Variants in STPG2 observed in about 807,000 individuals in gnomAD.
STPG2 encodes sperm-tail PG-rich repeat-containing protein 2.
In STPG2, 56 loss-of-function variants were observed where a neutral mutation model predicts 54.2. The ratio of observed to expected loss-of-function variants is 1.03; its 90% CI spans 0.83 to 1.29. STPG2 has a LOEUF of 1.29. Ranked by LOEUF, STPG2 falls within the 50% of genes most tolerant of loss-of-function variation. STPG2 has a pLI of 0.00. For missense variants in STPG2, 596 were observed against 544.9 expected (o/e 1.09, Z -0.93); for synonymous variants, 200 against 181.8 (o/e 1.10, Z -0.81).
chr4:98,114,804 T>A (rs191609758), intron 3 of STPG2, among the ~76,000 whole-genome samples: 370 of 151,674 alleles, frequency 2.4e-3, no homozygotes, highest in Non-Finnish European at 4.2e-3. Context: ...TACAATAATA[T>A]CCATTTCATT....
At chr4:97,564,180 T>C (rs1322844784) in intron 10 of STPG2, among the ~76,000 whole-genome samples, 2 of 152,198 alleles carry the variant, frequency 1.3e-5, no homozygotes, top group Admixed American at 6.5e-5. Context: ...CCCTTTACCA[T>C]TATGTAATGG....
chr4:97,725,295 T>A (rs980728186), intron 9 of STPG2, among the ~76,000 whole-genome samples: 1 of 151,918 alleles, frequency 6.6e-6, no homozygotes, highest in African/African-American at 2.4e-5. Context: ...AGTACCACTT[T>A]TTTTTTTAGT....
intron 6 of STPG2, among the ~76,000 whole-genome samples, chr4:97,975,905 G>T (rs761010331): frequency 2.5e-4 from 38 of 152,086 alleles, no homozygotes; most frequent in Non-Finnish European, 5.3e-4. Context: ...TGAAGAGAGG[G>T]TTGTGCTGAT....
intron 8 of STPG2, among the ~76,000 whole-genome samples, chr4:97,849,465 C>G (rs527717449): frequency 6.6e-6 from 1 of 151,888 alleles, no homozygotes; most frequent in African/African-American, 2.4e-5. Flanking sequence ...AAAGAAACTA[C>G]CATCAGAGTG....
Position 97,533,362 on chromosome 4 carries a change from G to T in STPG2, c.462+179337C>A, listed in dbSNP as rs902840529. 2.2e-4 allele frequency among the ~76,000 whole-genome samples: 33 copies of T among 151,956 alleles called. 1 individual carries two copies. Among genetic ancestry groups the T allele is most frequent in the Admixed American group, 1.2e-3 (19 of 15,252 alleles). On this transcript the variant is annotated intron_variant, in intron 4 of 4. Transcript: ENST00000522676. ...TGAAATATCAAACTCCTTATGGAAT[G>T]AATTTTTTTAAAATTTATCAAATTA...
intron 5 of STPG2, among the ~76,000 whole-genome samples, chr4:98,055,406 A>C (rs1320345848): frequency 6.6e-6 from 1 of 152,064 alleles, no homozygotes; most frequent in East Asian, 1.9e-4. Context: ...AAAGACCCAG[A>C]AGCTGGGCTG....
intron 9 of STPG2, among the ~76,000 whole-genome samples, chr4:97,740,231 T>C (rs1725177268): frequency 6.6e-6 from 1 of 152,124 alleles, no homozygotes. Flanking sequence ...ATAACAGCTA[T>C]CTATGACACA....
intron 1 of STPG2, among the ~76,000 whole-genome samples, 162 bp downstream of exon 1, chr4:98,142,880 C>A (rs560582796): frequency 3.9e-5 from 6 of 152,320 alleles, no homozygotes; most frequent in Non-Finnish European, 2.9e-5. Flanking sequence ...TCAGTCTCAT[C>A]TGTAAAATAA....
chr4:97,580,084 G>A (rs191237669), intron 10 of STPG2, among the ~76,000 whole-genome samples: 1 of 152,032 alleles, frequency 6.6e-6, no homozygotes, highest in Admixed American at 6.6e-5. Context: ...GCACTGGTGT[G>A]TAATAAACTA....
rs1378846 is a variant in STPG2 at position 97,759,930 on chromosome 4, T to G, written c.1205-47116A>C. 1.4e-3 allele frequency among the ~76,000 whole-genome samples: 208 copies of G among 152,272 alleles called. 4 individuals are homozygous for G. In the East Asian group the frequency reaches 0.039, roughly 28 times the overall value. ...TCCTCTTTCCAATCTATTCTTAAAA[T>G]TAACATAAGTTTCCTCAAGTATGAA... On this transcript the variant is annotated intron_variant, in intron 9 of 10. Coordinates refer to ENST00000295268, the MANE Select transcript of STPG2 (RefSeq NM_174952.3).
At chr4:97,580,002 C>T (rs1732824178) in intron 10 of STPG2, among the ~76,000 whole-genome samples, 1 of 151,868 alleles carries the variant, frequency 6.6e-6, no homozygotes, top group Admixed American at 6.6e-5. Context: ...TGAAAGAAAG[C>T]TTGGATTGAC....
At chr4:97,453,463 G>C (rs1729430276) in intron 4 of STPG2, among the ~76,000 whole-genome samples, 1 of 152,272 alleles carries the variant, frequency 6.6e-6, no homozygotes, top group South Asian at 2.1e-4. Context: ...AGCCCAGCGG[G>C]CCTGAGCAAA....
intron 3 of STPG2, among the ~76,000 whole-genome samples, 165 bp downstream of exon 3, chr4:98,128,263 T>C (rs1383725710): frequency 6.6e-6 from 1 of 152,204 alleles, no homozygotes; most frequent in Non-Finnish European, 1.5e-5. Context: ...TTCTACTGTA[T>C]TAAACCACTA....
In STPG2 at chr4:97,938,782, G is replaced by A. The variant is rs183955669; in HGVS notation, c.1044+5115C>T. Reference sequence around the variant, plus strand: ...TTTCATTGCTCTCCATTGGTCATGCGAACCACCTGGTCAGTCCTGATGAGA... The same window carrying A: ...TTTCATTGCTCTCCATTGGTCATGCAAACCACCTGGTCAGTCCTGATGAGA... On this transcript the variant is annotated intron_variant, in intron 8 of 10. Transcript: ENST00000295268. Among the ~76,000 whole-genome samples, 16 of 152,028 alleles carry A rather than the reference G, an allele frequency of 1.1e-4. No homozygotes were observed. In the East Asian group the frequency reaches 1.6e-3, roughly 15 times the overall value.
intron 4 of STPG2, among the ~76,000 whole-genome samples, chr4:97,519,523 T>C (rs1362397472): frequency 6.6e-6 from 1 of 151,756 alleles, no homozygotes; most frequent in Non-Finnish European, 1.5e-5. Context: ...TTTTAAAAAA[T>C]GAAACATAGA....
At chr4:97,464,964 C>T (rs780744387) in intron 4 of STPG2, among the ~76,000 whole-genome samples, 18 of 152,074 alleles carry the variant, frequency 1.2e-4, no homozygotes, top group Non-Finnish European at 2.5e-4. Flanking sequence ...AGGTTAAGTT[C>T]TTTCCCCTGG....
chr4:97,918,464 AACAC>A (rs949229331), intron 8 of STPG2, among the ~76,000 whole-genome samples: 3 of 151,860 alleles, frequency 2.0e-5, no homozygotes, highest in African/African-American at 7.3e-5. Flanking sequence ...CACACACACA[AACAC>A]ACACACATTG....
At chr4:97,821,362 G>A (rs948974952) in intron 9 of STPG2, among the ~76,000 whole-genome samples, 12 of 152,200 alleles carry the variant, frequency 7.9e-5, no homozygotes, top group Non-Finnish European at 1.8e-4. Context: ...CTGCCCCTGT[G>A]TCTCTGCAGG....
intron 8 of STPG2, among the ~76,000 whole-genome samples, chr4:97,902,356 C>CA (rs796898488): frequency 2.0e-5 from 3 of 151,978 alleles, no homozygotes; most frequent in African/African-American, 7.2e-5. Flanking sequence ...ATCAACAAAA[C>CA]AAAAAGGCAA....
Sources: allele counts gnomAD v4.1 joint callset (sites outside exome capture counted in the v4.1 genomes callset), GRCh38; gene constraint gnomAD v4.1.1; transcripts MANE v1.5; gene names NCBI Gene and HGNC (gene_info 2026-07-23, HGNC 2026-07-21).